Variants in PPP3CA observed in about 807,000 individuals in gnomAD.
PPP3CA encodes protein phosphatase 3 catalytic subunit alpha.
A neutral mutation model predicts 66.5 loss-of-function variants in PPP3CA; 14 were observed. That is an observed-to-expected ratio of 0.21 (90% CI 0.14 to 0.33). The LOEUF (loss-of-function observed/expected upper bound fraction) is 0.33. Among genes scored for constraint, PPP3CA ranks in the 10% least tolerant of loss-of-function variants. The pLI, the probability that PPP3CA is intolerant of heterozygous loss-of-function variation, is 1.00. For synonymous variants in PPP3CA, 232 were observed against 226.2 expected (o/e 1.03, Z -0.23); for missense variants, 317 against 639.5 (o/e 0.50, Z 5.44).
intron 8 of PPP3CA, among the ~76,000 whole-genome samples, chr4:101,065,546 G>A (rs1023745207): frequency 3.3e-5 from 5 of 152,066 alleles, no homozygotes; most frequent in African/African-American, 4.8e-5. Flanking sequence ...CTGCCCTTAT[G>A]TTACAAAGGA....
intron 6 of PPP3CA, among the ~76,000 whole-genome samples, chr4:101,087,217 C>T (rs1729711436): frequency 6.6e-6 from 1 of 152,192 alleles, no homozygotes; most frequent in Non-Finnish European, 1.5e-5. Context: ...GGTTCTTGAT[C>T]TAATTTCATT....
At chr4:101,267,594 G>A (rs1727208883) in intron 1 of PPP3CA, among the ~76,000 whole-genome samples, 1 of 152,174 alleles carries the variant, frequency 6.6e-6, no homozygotes, top group African/African-American at 2.4e-5. Flanking sequence ...GAGGGGATAA[G>A]CGGATCTGAG....
chr4:101,054,756 A>G (rs1221078553), intron 10 of PPP3CA, among the ~76,000 whole-genome samples: 1 of 151,990 alleles, frequency 6.6e-6, no homozygotes, highest in South Asian at 2.1e-4. Context: ...TAGGACATAG[A>G]TGGTTTCATA....
intron 9 of PPP3CA, 51 bp from the exon 10 acceptor site, chr4:101,061,212 T>C (rs1728448113): frequency 6.8e-7 from 1 of 1,463,730 alleles, no homozygotes. Flanking sequence ...GTTATAACCT[T>C]AACTATTACT....
intron 5 of PPP3CA, 128 bp from the exon 6 acceptor site, chr4:101,094,043 C>T: frequency 1.4e-6 from 1 of 710,120 alleles, no homozygotes; most frequent in South Asian, 3.6e-5. Context: ...GTGAAATGTC[C>T]TCTACCTCTC....
chr4:101,121,205 T>G (rs1722016737), intron 2 of PPP3CA, among the ~76,000 whole-genome samples: 1 of 152,050 alleles, frequency 6.6e-6, no homozygotes, highest in Non-Finnish European at 1.5e-5. Flanking sequence ...CTCTTCTCCC[T>G]TCCTTTGACA....
At chr4:101,103,896 G>A (rs189811224) in intron 3 of PPP3CA, among the ~76,000 whole-genome samples, 194 of 152,232 alleles carry the variant, frequency 1.3e-3, no homozygotes, top group African/African-American at 4.2e-3. Flanking sequence ...TGCAATCATC[G>A]GCAAGAGCAG....
intron 1 of PPP3CA, among the ~76,000 whole-genome samples, chr4:101,265,871 CAT>C (rs1268739063): frequency 6.6e-6 from 1 of 152,012 alleles, no homozygotes; most frequent in Non-Finnish European, 1.5e-5. Context: ...GGGGAATAAA[CAT>C]AGAAAGCAAC....
chr4:101,094,006 T>C, intron 5 of PPP3CA, 91 bp from the exon 6 acceptor site: 1 of 1,188,318 alleles, frequency 8.4e-7, no homozygotes, highest in Admixed American at 2.8e-5. Context: ...GCAGAACCCA[T>C]CCTCTTCTCC....
intron 1 of PPP3CA, among the ~76,000 whole-genome samples, chr4:101,238,666 A>G (rs1373360583): frequency 6.6e-6 from 1 of 152,106 alleles, no homozygotes; most frequent in African/African-American, 2.4e-5. Flanking sequence ...TTCAAAAATC[A>G]TCGTTTTTCT....
chr4:101,095,799 G>A (rs760310166), intron 5 of PPP3CA, among the ~76,000 whole-genome samples: 16 of 151,998 alleles, frequency 1.1e-4, no homozygotes, highest in Non-Finnish European at 1.9e-4. Context: ...TTACAGGCGC[G>A]CGCCACCATG....
chr4:101,222,248 G>T (rs1057403580), intron 1 of PPP3CA, among the ~76,000 whole-genome samples: 1 of 151,484 alleles, frequency 6.6e-6, no homozygotes, highest in African/African-American at 2.4e-5. Context: ...TTTTCCTTTA[G>T]TTAGGAGAGA....
intron 10 of PPP3CA, among the ~76,000 whole-genome samples, chr4:101,042,419 G>A (rs566167433): frequency 6.6e-6 from 1 of 152,084 alleles, no homozygotes; most frequent in Admixed American, 6.5e-5. Flanking sequence ...GCCATGGCAG[G>A]CACCTTTCAA....
intron 2 of PPP3CA, among the ~76,000 whole-genome samples, chr4:101,189,049 T>G (rs2110183039): frequency 6.6e-6 from 1 of 152,230 alleles, no homozygotes; most frequent in South Asian, 2.1e-4. Context: ...CCAAACAGAC[T>G]TGGGTGTTCG....
chr4:101,320,452 A>ATATGTATGTATG (rs535586811), intron 1 of PPP3CA, among the ~76,000 whole-genome samples: 7 of 147,192 alleles, frequency 4.8e-5, no homozygotes, highest in African/African-American at 1.5e-4. Flanking sequence ...AAAACCACTC[A>ATATGTATGTATG]TATGTATGTA....
intron 1 of PPP3CA, among the ~76,000 whole-genome samples, chr4:101,260,477 A>G (rs998950395): frequency 2.6e-5 from 4 of 152,158 alleles, no homozygotes; most frequent in Non-Finnish European, 5.9e-5. Flanking sequence ...TTTACTTCCT[A>G]GCACCATTCT....
intron 1 of PPP3CA, among the ~76,000 whole-genome samples, chr4:101,238,961 C>A (rs1480900146): frequency 1.3e-5 from 2 of 151,996 alleles, no homozygotes; most frequent in African/African-American, 2.4e-5. Flanking sequence ...CCAGTACTAC[C>A]AAGTATAACA....
At chr4:101,101,075 G>A (rs530178953) in intron 3 of PPP3CA, among the ~76,000 whole-genome samples, 1 of 152,126 alleles carries the variant, frequency 6.6e-6, no homozygotes, top group South Asian at 2.1e-4. Context: ...ATAAACAATA[G>A]GTTGACATTA....
intron 10 of PPP3CA, among the ~76,000 whole-genome samples, chr4:101,046,908 T>C (rs1285379968): frequency 6.6e-6 from 1 of 152,136 alleles, no homozygotes; most frequent in African/African-American, 2.4e-5. Context: ...ACCTTTGAAA[T>C]AGAAGATATA....
Sources: allele counts gnomAD v4.1 joint callset (sites outside exome capture counted in the v4.1 genomes callset), GRCh38; gene constraint gnomAD v4.1.1; transcripts MANE v1.5; gene names NCBI Gene and HGNC (gene_info 2026-07-23, HGNC 2026-07-21).